HAUS8: variants seen among roughly 807,000 people sequenced by gnomAD.
HAUS8 encodes HAUS augmin-like complex subunit 8.
Under a neutral mutation model 42.9 loss-of-function variants are expected in HAUS8, and 38 were observed. The ratio of observed to expected loss-of-function variants is 0.89; its 90% CI spans 0.68 to 1.16. HAUS8 has a LOEUF of 1.16. Among genes scored for constraint, HAUS8 ranks in the 50% most tolerant of loss-of-function variants. HAUS8 has a pLI of 0.00. For missense variants in HAUS8, 494 were observed against 511.6 expected (o/e 0.97, Z 0.33); for synonymous variants, 199 against 205.8 (o/e 0.97, Z 0.28).
chr19:17,067,924 C>T (rs1294451602), intron 3 of HAUS8, among the ~76,000 whole-genome samples: 2 of 152,144 alleles, frequency 1.3e-5, no homozygotes, highest in Non-Finnish European at 2.9e-5. Context: ...AACTCTCACA[C>T]AAAGCACGTT....
chr19:17,050,085 C>T lies in HAUS8; in HGVS notation c.1021G>A (p.Ala341Thr), dbSNP rs2057277555. 2 of 1,603,118 alleles carry T rather than the reference C, an allele frequency of 1.2e-6. No homozygotes were observed. The highest frequency in any genetic ancestry group is 1.7e-5 in the Admixed American group (1 of 58,272). The part of the protein sequence containing the change: ...QEVWEETQGM[A>T]PPSRWYFNQD... Reference sequence around the variant, plus strand: ...TTGAAATACCACCGGCTGGGGGGCGCCATGCCCTGGGTCTCTTCCCAGACT... The same window carrying T: ...TTGAAATACCACCGGCTGGGGGGCGTCATGCCCTGGGTCTCTTCCCAGACT... Residue 341 changes from alanine to threonine, a missense_variant, in exon 11 of 11, where the codon GCG (alanine) becomes ACG (threonine). Coordinates refer to ENST00000253669, the MANE Select transcript of HAUS8 (RefSeq NM_033417.2).
At chr19:17,050,319 C>T (rs1260596195) in intron 10 of HAUS8, 143 bp from the exon 11 acceptor site, 6 of 487,854 alleles carry the variant, frequency 1.2e-5, no homozygotes, top group Non-Finnish European at 1.7e-5. Flanking sequence ...AAATAAGATC[C>T]GTCTGAAAAG....
chr19:17,049,903 A>G lies in HAUS8; in HGVS notation c.1203T>C (p.Ser401=). The change falls in exon 11 of 11, where the codon TCT becomes TCC. Residue 401 remains serine, a synonymous_variant. Coordinates refer to ENST00000253669, the MANE Select transcript of HAUS8 (RefSeq NM_033417.2). ...ACAAGTCCCTCCCTGAACGAGAGAG[A>G]GAGGGCGGGACTTCTGCCTGGCTGC... ...SSSSQAEVPP[S]LSRSGRDLS is the part of the protein sequence containing the mutation. 2 of 1,505,578 alleles carry G rather than the reference A, an allele frequency of 1.3e-6. No homozygotes were observed. Among genetic ancestry groups the G allele is most frequent in the Non-Finnish European group, 1.8e-6 (2 of 1,126,048 alleles). 93.3% of individuals were successfully genotyped at this position (1,505,578 alleles called of 1,614,324 possible).
At chr19:17,074,505 G>C (rs754492156) in intron 1 of HAUS8, 1 of 152,314 alleles carries the variant, frequency 6.6e-6, no homozygotes, top group Non-Finnish European at 1.5e-5. Context: ...AAACAAAGAC[G>C]CACAGGTTTT....
At position 17,058,709 on chromosome 19, in the gene HAUS8, T is replaced by G. The variant is rs763706947; in HGVS notation, c.487-2A>C. 3.1e-6 allele frequency: 5 copies of G among 1,603,642 alleles called. No homozygotes were observed. In the South Asian group the frequency reaches 5.6e-5, roughly 18 times the overall value. On this transcript the variant is annotated splice_acceptor_variant, in intron 7 of 10. Coordinates refer to ENST00000253669, the MANE Select transcript of HAUS8 (RefSeq NM_033417.2). LOFTEE classifies it high-confidence loss of function. Reference sequence around the variant, plus strand: ...AAACTCAGCAAGATTGTTCTCCATCTGTTAAATGTGAAAGAAAAGCTCAAG... The same window carrying G: ...AAACTCAGCAAGATTGTTCTCCATCGGTTAAATGTGAAAGAAAAGCTCAAG...
At chr19:17,062,660 G>A (rs201025489) in intron 4 of HAUS8, 38 bp downstream of exon 4, 145 of 1,531,986 alleles carry the variant, frequency 9.5e-5, no homozygotes, top group East Asian at 4.9e-4. Context: ...ATTTACTGCC[G>A]CGCTCATCAC....
intron 2 of HAUS8, among the ~76,000 whole-genome samples, chr19:17,071,013 T>G (rs1052526642): frequency 3.1e-4 from 47 of 150,754 alleles, no homozygotes; most frequent in African/African-American, 1.2e-3. Flanking sequence ...GAGGCTGCAG[T>G]GAGCCGAGAT....
chr19:17,073,178 A>G, intron 2 of HAUS8, 96 bp downstream of exon 2: 1 of 1,097,664 alleles, frequency 9.1e-7, no homozygotes, highest in Admixed American at 1.7e-5. Flanking sequence ...AAGTAAAGCC[A>G]CAGGCCCCCT....
At position 17,050,436 on chromosome 19, in the gene HAUS8, T is replaced by C. The variant is rs113568221; in HGVS notation, c.930-260A>G. Among the ~76,000 whole-genome samples the C allele has an allele frequency of 3.8e-3, 577 of 152,186 alleles. 1 individual carries two copies. Among genetic ancestry groups the C allele is most frequent in the African/African-American group, 0.013 (546 of 41,514 alleles). On this transcript the variant is annotated intron_variant, in intron 10 of 10. Transcript: ENST00000253669. Reference sequence around the variant, plus strand: ...CTGTGCTGCTGCTGTGGTGGGAGTATCTGTCCCCTCCAAAACTCCCATTAA... The same window carrying C: ...CTGTGCTGCTGCTGTGGTGGGAGTACCTGTCCCCTCCAAAACTCCCATTAA...
At chr19:17,050,404 C>G (rs1288575634) in intron 10 of HAUS8, among the ~76,000 whole-genome samples, 1 of 152,124 alleles carries the variant, frequency 6.6e-6, no homozygotes, top group Admixed American at 6.5e-5. Context: ...GTTCATGGAG[C>G]TCAGTGCTGT....
intron 1 of HAUS8, 45 bp downstream of exon 1, chr19:17,075,349 C>T (rs2057464688): frequency 1.2e-6 from 2 of 1,607,756 alleles, no homozygotes; most frequent in Non-Finnish European, 1.7e-6. Flanking sequence ...TCCTCTCCAG[C>T]CCTATGGCGT....
intron 8 of HAUS8, among the ~76,000 whole-genome samples, chr19:17,057,564 C>T (rs1282283984): frequency 1.3e-5 from 2 of 152,112 alleles, no homozygotes; most frequent in African/African-American, 2.4e-5. Flanking sequence ...TAAGTGGAAC[C>T]TCACACTTCA....
intron 3 of HAUS8, among the ~76,000 whole-genome samples, chr19:17,067,318 T>A (rs2057392881): frequency 1.3e-5 from 2 of 152,016 alleles, no homozygotes; most frequent in African/African-American, 4.8e-5. Flanking sequence ...CAAACTGTGA[T>A]GCCACAGATA....
In HAUS8 at chr19:17,067,940, G is replaced by A. The variant is rs531822918; in HGVS notation, c.147+1091C>T. ...ACTCTCACACAAAGCACGTTCTCACGTGGTTAAATATCTTTCATGCCATTA... is the reference window on the plus strand; with the variant it reads ...ACTCTCACACAAAGCACGTTCTCACATGGTTAAATATCTTTCATGCCATTA... On this transcript the variant is annotated intron_variant, in intron 3 of 10. Coordinates refer to ENST00000253669, the MANE Select transcript of HAUS8 (RefSeq NM_033417.2). 2.0e-4 allele frequency among the ~76,000 whole-genome samples: 30 copies of A among 152,212 alleles called. 1 individual carries two copies. In the South Asian group the frequency reaches 5.8e-3, roughly 29 times the overall value.
Position 17,052,980 on chromosome 19 carries a change from G to C in HAUS8, c.788-14C>G, listed in dbSNP as rs1263541312. ...GCTGCAGGGCGTCTGGAGGGGAAGA[G>C]GGATGGTGGGCGATGGATGGCAAGG... On this transcript the variant is annotated splice_polypyrimidine_tract_variant and intron_variant, in intron 9 of 10. Coordinates refer to ENST00000253669, the MANE Select transcript of HAUS8 (RefSeq NM_033417.2). 3.1e-6 allele frequency: 5 copies of C among 1,613,928 alleles called. No homozygotes were observed. The highest frequency in any genetic ancestry group is 1.7e-5 in the Admixed American group (1 of 60,004).
rs758168712 is a variant in HAUS8, at chr19:17,068,357, G to A, written c.147+674C>T. On this transcript the variant is annotated intron_variant, in intron 3 of 10. Coordinates refer to ENST00000253669, the MANE Select transcript of HAUS8 (RefSeq NM_033417.2). Reference sequence around the variant, plus strand: ...TCGAACTCCTAGCCTCAAGTGATCCGCCCACCTCGGCCTCCCAAAGTAGCT... The same window carrying A: ...TCGAACTCCTAGCCTCAAGTGATCCACCCACCTCGGCCTCCCAAAGTAGCT... Among the ~76,000 whole-genome samples the A allele has an allele frequency of 3.3e-5, 5 of 151,914 alleles. No homozygotes were observed. In the East Asian group the frequency reaches 5.8e-4, roughly 18 times the overall value.
chr19:17,061,634 C>A (rs1408904459), intron 4 of HAUS8, among the ~76,000 whole-genome samples: 1 of 152,220 alleles, frequency 6.6e-6, no homozygotes, highest in Non-Finnish European at 1.5e-5. Flanking sequence ...GGGGCTGGAT[C>A]CTTCCTTGCG....
chr19:17,058,617 G>C lies in HAUS8; in HGVS notation c.577C>G (p.His193Asp). The change falls in exon 8 of 11, where the codon CAC (histidine) becomes GAC (aspartate). Residue 193 changes from histidine to aspartate, a missense_variant. By Grantham distance (81) the His-to-Asp change is moderately conservative. Coordinates refer to ENST00000253669, the MANE Select transcript of HAUS8 (RefSeq NM_033417.2). The stretch of plus-strand genomic sequence containing the variant: ...AGGAGAAGCCTGCGCTTCAGCTCGT[G>C]GGCCTTTTTCTGTAGCTTCTCCTTC... Reference protein sequence around the residue: ...KEKEKLQKKAHELKRRLLLSQ... With the variant: ...KEKEKLQKKADELKRRLLLSQ... 6.2e-7 allele frequency: 1 copy of C among 1,613,682 alleles called. No homozygotes were observed. The highest frequency in any genetic ancestry group is 8.5e-7 in the Non-Finnish European group (1 of 1,179,874).
intron 9 of HAUS8, 73 bp downstream of exon 9, chr19:17,055,788 G>GGCCCACAGGAAGC: frequency 6.7e-7 from 1 of 1,483,142 alleles, no homozygotes; most frequent in Non-Finnish European, 9.1e-7. Context: ...GATGACATCA[G>GGCCCACAGGAAGC]GCCCACAGGA....
Sources: gnomAD v4.1 joint callset for allele counts (sites outside exome capture counted in the v4.1 genomes callset) on GRCh38, gnomAD v4.1.1 for gene constraint, MANE v1.5 for transcripts, NCBI Gene and HGNC (gene_info 2026-07-23, HGNC 2026-07-21) for gene names.